Variants in NTM observed in about 807,000 individuals in gnomAD.
NTM encodes the protein neurotrimin.
A neutral mutation model predicts 42.1 loss-of-function variants in NTM; 13 were observed. The ratio of observed to expected loss-of-function variants is 0.31; its 90% confidence interval spans 0.20 to 0.49. The LOEUF (loss-of-function observed/expected upper bound fraction) is 0.49. Among genes scored for constraint, NTM ranks in the 20% least tolerant of loss-of-function variants. The pLI is 0.99. For synonymous variants in NTM, 187 were observed against 179.2 expected (o/e 1.04, Z -0.35); for missense variants, 373 against 452.8 (o/e 0.82, Z 1.60).
intron 4 of NTM, among the ~76,000 whole-genome samples, chr11:132,233,456 TCAG>T (rs1218184880): frequency 3.9e-5 from 6 of 152,206 alleles, no homozygotes; most frequent in Non-Finnish European, 5.9e-5. Flanking sequence ...TCACTAGGGA[TCAG>T]CAGATTAAGG....
intron 1 of NTM, among the ~76,000 whole-genome samples, chr11:131,748,726 C>T (rs975279004): frequency 1.3e-5 from 2 of 152,076 alleles, no homozygotes; most frequent in African/African-American, 4.8e-5. Flanking sequence ...TTATTTAATC[C>T]GATGTGCTTT....
At chr11:131,974,156 T>TA (rs1197574508) in intron 2 of NTM, among the ~76,000 whole-genome samples, 1 of 152,232 alleles carries the variant, frequency 6.6e-6, no homozygotes, top group African/African-American at 2.4e-5. Context: ...GTGTTATCAG[T>TA]AAGGCATCTG....
At chr11:132,162,714 G>A (rs1471542375) in intron 3 of NTM, among the ~76,000 whole-genome samples, 2 of 150,582 alleles carry the variant, frequency 1.3e-5, no homozygotes, top group African/African-American at 2.4e-5. Context: ...TCTTGTGTGT[G>A]TGTGTTTGTG....
At chr11:131,458,374 G>T (rs1951090630) in intron 1 of NTM, among the ~76,000 whole-genome samples, 3 of 152,180 alleles carry the variant, frequency 2.0e-5, no homozygotes, top group African/African-American at 7.2e-5. Context: ...ATTTGGAGGG[G>T]AAAGCCCATA....
chr11:132,004,309 C>A (rs893353956), intron 2 of NTM, among the ~76,000 whole-genome samples: 13 of 152,072 alleles, frequency 8.5e-5, no homozygotes, highest in African/African-American at 2.4e-4. Context: ...TCCACTCCTG[C>A]CTTTAATCTC....
intron 4 of NTM, among the ~76,000 whole-genome samples, chr11:132,218,585 C>T (rs2084430747): frequency 6.6e-6 from 1 of 152,128 alleles, no homozygotes; most frequent in Admixed American, 6.5e-5. Flanking sequence ...CCTGCACTGC[C>T]AGCTGCCTGC....
chr11:131,389,670 G>A (rs1194275589), intron 1 of NTM, among the ~76,000 whole-genome samples: 1 of 152,144 alleles, frequency 6.6e-6, no homozygotes, highest in Admixed American at 6.5e-5. Flanking sequence ...GCTTATTATT[G>A]AAAAATTAGA....
At chr11:131,863,919 C>T (rs2046882560) in intron 1 of NTM, among the ~76,000 whole-genome samples, 1 of 152,196 alleles carries the variant, frequency 6.6e-6, no homozygotes, top group Admixed American at 6.5e-5. Context: ...TACTATGTAA[C>T]TGAACATAAT....
intron 1 of NTM, among the ~76,000 whole-genome samples, chr11:131,853,316 T>G (rs2045777231): frequency 6.6e-6 from 1 of 152,144 alleles, no homozygotes. Context: ...CCATGGTGGT[T>G]TGCTGTGCAG....
intron 4 of NTM, among the ~76,000 whole-genome samples, chr11:132,265,961 C>A (rs1257192409): frequency 6.6e-6 from 1 of 152,248 alleles, no homozygotes; most frequent in South Asian, 2.1e-4. Context: ...AGAAGACAGA[C>A]ACTTAAGCCA....
intron 1 of NTM, among the ~76,000 whole-genome samples, chr11:131,442,443 G>C (rs1180067018): frequency 6.6e-6 from 1 of 152,206 alleles, no homozygotes; most frequent in East Asian, 1.9e-4. Flanking sequence ...TTTAGATTGG[G>C]GTTGTACCCA....
At chr11:132,102,679 C>A (rs1373797253) in intron 2 of NTM, among the ~76,000 whole-genome samples, 1 of 152,192 alleles carries the variant, frequency 6.6e-6, no homozygotes, top group Admixed American at 6.5e-5. Context: ...ATTGGTCTTC[C>A]TAATGGAATT....
intron 1 of NTM, among the ~76,000 whole-genome samples, chr11:131,884,647 C>A (rs943911045): frequency 2.0e-5 from 3 of 152,004 alleles, no homozygotes; most frequent in African/African-American, 7.3e-5. Flanking sequence ...CAGGGAAACA[C>A]GGGTCCCAGG....
chr11:131,459,963 T>C (rs1352392106), intron 1 of NTM, among the ~76,000 whole-genome samples: 1 of 152,076 alleles, frequency 6.6e-6, no homozygotes, highest in Non-Finnish European at 1.5e-5. Flanking sequence ...AACAATTGTC[T>C]CAAAGCAGTA....
chr11:131,544,406 T>C (rs1408739058), intron 1 of NTM, among the ~76,000 whole-genome samples: 1 of 152,182 alleles, frequency 6.6e-6, no homozygotes, highest in East Asian at 1.9e-4. Flanking sequence ...CTCCAGCTCA[T>C]ATTTCTATTC....
chr11:132,261,910 A>C (rs899399704), intron 4 of NTM, among the ~76,000 whole-genome samples: 2 of 152,214 alleles, frequency 1.3e-5, no homozygotes, highest in Non-Finnish European at 2.9e-5. Flanking sequence ...GACTGGGTTG[A>C]ATCCATCGAC....
At chr11:131,556,304 G>A (rs2055404277) in intron 1 of NTM, among the ~76,000 whole-genome samples, 1 of 152,162 alleles carries the variant, frequency 6.6e-6, no homozygotes, top group Admixed American at 6.5e-5. Flanking sequence ...CAGGTAGACA[G>A]AATATTGTCA....
chr11:131,373,062 G>T (rs1941435339), intron 1 of NTM, among the ~76,000 whole-genome samples: 1 of 152,174 alleles, frequency 6.6e-6, no homozygotes, highest in African/African-American at 2.4e-5. Flanking sequence ...GGCTTCAGTG[G>T]TCGTAATAGA....
In NTM at chr11:132,310,261, C is replaced by T. The variant is rs200057454; in HGVS notation, c.782+29C>T. The T allele has an allele frequency of 1.3e-5, 20 of 1,549,432 alleles. No individual in the cohort carries two copies. The South Asian group carries it at 1.6e-4, about 12-fold the overall frequency. On this transcript the variant is annotated intron_variant, in intron 6 of 8. Coordinates refer to ENST00000683400, the MANE Select transcript of NTM (RefSeq NM_001352005.2). ...AAGCTTCCTTCTTTCCTATCCCACC[C>T]CTACCCCCATCTCCAGGAGAAACTT...
Sources: allele counts gnomAD v4.1 joint callset (sites outside exome capture counted in the v4.1 genomes callset), GRCh38; gene constraint gnomAD v4.1.1; transcripts MANE v1.5; gene names NCBI Gene and HGNC (gene_info 2026-07-23, HGNC 2026-07-21).